VSTM2L: variants seen among roughly 807,000 people sequenced by gnomAD.
VSTM2L encodes V-set and transmembrane domain-containing protein 2-like protein.
VSTM2L carries 9 observed loss-of-function variants against 19.9 expected under a neutral mutation model. The observed-to-expected ratio is 0.45, with a 90% CI of 0.27 to 0.79. VSTM2L has a LOEUF of 0.79. VSTM2L is among the 30% of genes least tolerant of loss of function. VSTM2L has a pLI of 0.15. For missense variants in VSTM2L, 286 were observed against 295.5 expected (o/e 0.97, Z 0.24); for synonymous variants, 127 against 133.8 (o/e 0.95, Z 0.35).
intron 1 of VSTM2L, among the ~76,000 whole-genome samples, chr20:37,926,781 G>T (rs1012647211): frequency 2.0e-5 from 3 of 152,148 alleles, no homozygotes; most frequent in Admixed American, 2.0e-4. Context: ...TGGCTGCCTG[G>T]TCTGAGCCAT....
intron 1 of VSTM2L, among the ~76,000 whole-genome samples, chr20:37,925,414 A>C (rs1248130282): frequency 6.6e-6 from 1 of 152,108 alleles, no homozygotes; most frequent in Non-Finnish European, 1.5e-5. Context: ...GAGTCTCTGG[A>C]AGTCACACAG....
Position 37,944,169 on chromosome 20 carries a change from T to TCCCCCCCCCCCCC in VSTM2L, c.534_535insCCCCCCCCCCCCC (p.Ala179ProfsTer33). 6.5e-7 allele frequency: 1 copy of TCCCCCCCCCCCCC among 1,542,562 alleles called. No individual in the cohort carries two copies. ...CCGTCCTGCATCTGCCCGAAGCCCC[T>TCCCCCCCCCCCCC]CCCGCCGCGCCCGCCCCGCCGCCCC... On this transcript the variant is annotated frameshift_variant, in exon 4 of 4. Coordinates refer to ENST00000373461, the MANE Select transcript of VSTM2L (RefSeq NM_080607.3). LOFTEE classifies it high-confidence loss of function.
rs1418727499 is a variant in VSTM2L, at chr20:37,944,452, C to T, written c.*199C>T. 38 of 1,248,250 alleles carry T rather than the reference C, an allele frequency of 3.0e-5. No individual in the cohort carries two copies. Among genetic ancestry groups the T allele is most frequent in the East Asian group, 9.1e-5 (3 of 32,978 alleles). 77.3% of individuals were successfully genotyped at this position (1,248,250 alleles called of 1,614,324 possible). On this transcript the variant is annotated 3_prime_UTR_variant, in exon 4 of 4. Transcript: ENST00000373461. ...CCACCCCTGCCCTTTCAGACCCCTG[C>T]GGTGACCTGGCTCGGAGAAGGTGGC...
intron 1 of VSTM2L, among the ~76,000 whole-genome samples, chr20:37,924,571 CA>C (rs2072869945): frequency 7.3e-6 from 1 of 136,374 alleles, no homozygotes; most frequent in Non-Finnish European, 1.6e-5. Flanking sequence ...AAAAAAAAAA[CA>C]AAACAAAATA....
At chr20:37,911,986 C>T (rs1568834355) in intron 1 of VSTM2L, among the ~76,000 whole-genome samples, 1 of 152,182 alleles carries the variant, frequency 6.6e-6, no homozygotes, top group Admixed American at 6.5e-5. Flanking sequence ...TCTCAGTGGC[C>T]TGCAGGCATC....
intron 1 of VSTM2L, among the ~76,000 whole-genome samples, chr20:37,931,033 A>G (rs2072905852): frequency 6.6e-6 from 1 of 152,160 alleles, no homozygotes; most frequent in Admixed American, 6.5e-5. Context: ...AGGGAAGGGC[A>G]TTCCAGAAGG....
chr20:37,931,909 C>G (rs762286030), intron 2 of VSTM2L, 105 bp downstream of exon 2: 2 of 1,294,232 alleles, frequency 1.5e-6, no homozygotes, highest in Non-Finnish European at 1.0e-6. Flanking sequence ...TGGGCTCCAA[C>G]GCTGTTCTCC....
chr20:37,931,596 T>C (rs1026434887), intron 1 of VSTM2L, 39 bp from the exon 2 acceptor site: 2 of 1,587,146 alleles, frequency 1.3e-6, no homozygotes, highest in African/African-American at 1.3e-5. Flanking sequence ...CCCCGTGGTT[T>C]CCTGAGCCCC....
chr20:37,914,771 G>T (rs1005263364), intron 1 of VSTM2L, among the ~76,000 whole-genome samples: 9 of 152,160 alleles, frequency 5.9e-5, no homozygotes, highest in African/African-American at 1.9e-4. Flanking sequence ...GCTTAGAGAG[G>T]CGTGGTGAGC....
intron 1 of VSTM2L, among the ~76,000 whole-genome samples, chr20:37,925,019 G>A (rs2072872357): frequency 6.6e-6 from 1 of 152,136 alleles, no homozygotes; most frequent in Non-Finnish European, 1.5e-5. Context: ...TTTACTTTCC[G>A]AGCCTCAATT....
intron 3 of VSTM2L, among the ~76,000 whole-genome samples, chr20:37,936,111 G>A (rs1258348694): frequency 6.6e-6 from 1 of 151,132 alleles, no homozygotes; most frequent in African/African-American, 2.4e-5. Context: ...GACCAGGCTG[G>A]TCTCGAACTA....
chr20:37,944,174 C>A lies in VSTM2L; in HGVS notation c.536C>A (p.Ala179Asp). 1 of 1,548,670 alleles carries A rather than the reference C, an allele frequency of 6.5e-7. No individual in the cohort carries two copies. Among genetic ancestry groups the A allele is most frequent in the East Asian group, 2.4e-5 (1 of 41,128 alleles). The change falls in exon 4 of 4, where the codon GCC becomes GAC. Residue 179 changes from alanine to aspartate, a missense_variant. Coordinates refer to ENST00000373461, the MANE Select transcript of VSTM2L (RefSeq NM_080607.3). ...SVLHLPEAPP[A>D]APAPPPPKPG... ...CTGCATCTGCCCGAAGCCCCTCCCGCCGCGCCCGCCCCGCCGCCCCCCAAG... is the reference window on the plus strand; with the variant it reads ...CTGCATCTGCCCGAAGCCCCTCCCGACGCGCCCGCCCCGCCGCCCCCCAAG...
chr20:37,933,384 C>A (rs1177776934), intron 2 of VSTM2L, among the ~76,000 whole-genome samples, 155 bp from the exon 3 acceptor site: 2 of 152,334 alleles, frequency 1.3e-5, no homozygotes, highest in East Asian at 1.9e-4. Context: ...GGGACCCCAA[C>A]TCCAGACTCC....
At chr20:37,936,439 T>C (rs1015858457) in intron 3 of VSTM2L, among the ~76,000 whole-genome samples, 1 of 152,196 alleles carries the variant, frequency 6.6e-6, no homozygotes, top group Admixed American at 6.5e-5. Context: ...AGCCAAATAG[T>C]GCAGTCTACA....
At chr20:37,908,543 C>T (rs2072763075) in intron 1 of VSTM2L, among the ~76,000 whole-genome samples, 3 of 152,174 alleles carry the variant, frequency 2.0e-5, no homozygotes, top group South Asian at 2.1e-4. Context: ...CTGGGCACGG[C>T]GGCTCATGCC....
chr20:37,908,679 T>C (rs577408565), intron 1 of VSTM2L, among the ~76,000 whole-genome samples: 6 of 152,130 alleles, frequency 3.9e-5, no homozygotes, highest in Non-Finnish European at 5.9e-5. Flanking sequence ...GGTACGCACC[T>C]GTAGTCCCAG....
chr20:37,927,132 T>C (rs1478531644), intron 1 of VSTM2L, among the ~76,000 whole-genome samples: 1 of 152,124 alleles, frequency 6.6e-6, no homozygotes, highest in Non-Finnish European at 1.5e-5. Context: ...ACCCAGCTAA[T>C]TTTTGTATTT....
intron 1 of VSTM2L, among the ~76,000 whole-genome samples, chr20:37,925,136 G>A (rs1459347249): frequency 2.6e-5 from 4 of 151,930 alleles, no homozygotes; most frequent in Non-Finnish European, 2.9e-5. Context: ...TTTTTTAAAC[G>A]AAGCTTTCTT....
chr20:37,913,279 T>A (rs2072791246), intron 1 of VSTM2L, among the ~76,000 whole-genome samples: 1 of 152,186 alleles, frequency 6.6e-6, no homozygotes, highest in African/African-American at 2.4e-5. Context: ...GCCCACAAGC[T>A]TCAAAGGGTT....
Sources: allele counts gnomAD v4.1 joint callset (sites outside exome capture counted in the v4.1 genomes callset), GRCh38; gene constraint gnomAD v4.1.1; transcripts MANE v1.5; gene names NCBI Gene and HGNC (gene_info 2026-07-23, HGNC 2026-07-21).